The following ADGRD1 variants were observed in gnomAD, a reference collection of about 807,000 sequenced individuals.
ADGRD1 encodes the protein adhesion G protein-coupled receptor D1.
ADGRD1 carries 77 observed loss-of-function variants against 113.4 expected under a neutral mutation model. That is an observed-to-expected ratio of 0.68 (90% confidence interval 0.57 to 0.82). The LOEUF is 0.82. Ranked by LOEUF, ADGRD1 falls within the 40% of genes least tolerant of loss-of-function variation. The pLI, the probability that ADGRD1 is intolerant of heterozygous loss-of-function variation, is 0.00. For missense variants in ADGRD1, 1,036 were observed against 1,139.1 expected (o/e 0.91, Z 1.30); for synonymous variants, 474 against 475.0 (o/e 1.00, Z 0.03).
intron 20 of ADGRD1, among the ~76,000 whole-genome samples, chr12:131,122,483 T>G (rs1442997800): frequency 6.6e-6 from 1 of 152,122 alleles, no homozygotes; most frequent in African/African-American, 2.4e-5. Flanking sequence ...TGTCAGAGGC[T>G]TCAGGGAGAG....
chr12:131,000,988 T>C (rs1306190842), intron 9 of ADGRD1, among the ~76,000 whole-genome samples: 1 of 152,202 alleles, frequency 6.6e-6, no homozygotes, highest in Non-Finnish European at 1.5e-5. Flanking sequence ...GTGTCAGTAA[T>C]GTGTTACTGT....
chr12:131,003,239 G>GTATC lies in ADGRD1; in HGVS notation c.1082_1085dup (p.Ser363IlefsTer133), dbSNP rs745315105. 1.9e-6 allele frequency: 3 copies of GTATC among 1,614,012 alleles called. No individual in the cohort carries two copies. The African/African-American group carries it at 4.0e-5, about 22-fold the overall frequency. ...CACTATTGACACCGTCATGGGCCATGTATCCTCCAACCTGCACGGCAGCAC... is the reference window on the plus strand; with the variant it reads ...CACTATTGACACCGTCATGGGCCATGTATCTATCCTCCAACCTGCACGGCAGCAC... On this transcript the variant is annotated frameshift_variant, in exon 10 of 25. Transcript: ENST00000261654. LOFTEE classifies it high-confidence loss of function. This position sits in a 1 kb window ranked among gnomAD's most constrained non-coding sequence, Gnocchi z 4.8.
chr12:131,031,494 C>G (rs1012235760), intron 13 of ADGRD1, among the ~76,000 whole-genome samples: 3 of 152,112 alleles, frequency 2.0e-5, no homozygotes, highest in Non-Finnish European at 4.4e-5. Context: ...GTCGACGAGT[C>G]ACCCATTGCT....
chr12:131,084,691 G>T lies in ADGRD1; in HGVS notation c.1671+28G>T. On this transcript the variant is annotated intron_variant, in intron 15 of 24. Coordinates refer to ENST00000261654, the MANE Select transcript of ADGRD1 (RefSeq NM_198827.5). The surrounding 1 kb of genome is among the most constrained non-coding windows in gnomAD (Gnocchi z 4.5). ...AAGAGCCAGGCCTCAGGGGTCGCGG[G>T]ACCTGGGGGACGTACCATGAGGCTG... The T allele has an allele frequency of 6.2e-7, 1 of 1,611,900 alleles. No homozygotes were observed.
At chr12:131,093,578 T>A (rs1028334302) in intron 15 of ADGRD1, among the ~76,000 whole-genome samples, 2 of 152,190 alleles carry the variant, frequency 1.3e-5, no homozygotes, top group Admixed American at 1.3e-4. Context: ...AGAACCACTC[T>A]GAGCTGTATT....
chr12:131,085,698 T>C (rs1160014396), intron 15 of ADGRD1, among the ~76,000 whole-genome samples: 1 of 152,188 alleles, frequency 6.6e-6, no homozygotes, highest in Non-Finnish European at 1.5e-5. Context: ...ATGTGGCTGC[T>C]CCGAGCCAGG....
rs1870086836 is a variant in ADGRD1, at chr12:130,959,395, G to A, written c.103+4735G>A. On this transcript the variant is annotated intron_variant, in intron 2 of 24. Coordinates refer to ENST00000261654, the MANE Select transcript of ADGRD1 (RefSeq NM_198827.5). The stretch of plus-strand genomic sequence containing the variant: ...AAGACCAGCCTGGGCAACATAGTGA[G>A]ACCCCACCTTTATAAAAAATAAACA... 2.0e-5 allele frequency among the ~76,000 whole-genome samples: 3 copies of A among 152,106 alleles called. 1 individual carries two copies. The highest frequency in any genetic ancestry group is 6.5e-5 in the Admixed American group (1 of 15,278).
chr12:130,961,035 C>T (rs915473862), intron 2 of ADGRD1, among the ~76,000 whole-genome samples: 4 of 152,178 alleles, frequency 2.6e-5, no homozygotes, highest in African/African-American at 7.2e-5. Context: ...GAAGCCAGCC[C>T]GACCATCGGC....
At chr12:131,079,881 A>T (rs752000554) in intron 14 of ADGRD1, among the ~76,000 whole-genome samples, 1 of 151,922 alleles carries the variant, frequency 6.6e-6, no homozygotes, top group African/African-American at 2.4e-5. Context: ...CACTCTTACT[A>T]TAGGTTTATT....
intron 7 of ADGRD1, among the ~76,000 whole-genome samples, chr12:130,991,783 C>T (rs941093): frequency 0.44 from 67,351 of 151,936 alleles, 17,069 homozygotes; most frequent in East Asian, 0.76. Flanking sequence ...GAGGACTGCT[C>T]GAGTCCAGCC....
At chr12:131,136,224 G>A in intron 22 of ADGRD1, 61 bp downstream of exon 22, 14 of 1,594,968 alleles carry the variant, frequency 8.8e-6, no homozygotes, top group Non-Finnish European at 1.2e-5. Context: ...CAGGCTTGCA[G>A]GGAGCTAGGG....
At chr12:131,008,173 C>G (rs913474609) in intron 12 of ADGRD1, among the ~76,000 whole-genome samples, 32 of 152,246 alleles carry the variant, frequency 2.1e-4, no homozygotes, top group African/African-American at 6.3e-4. Flanking sequence ...ACATGACATA[C>G]AAGTGCCTGC....
At chr12:130,967,502 A>G (rs999618134) in intron 3 of ADGRD1, 4 of 155,170 alleles carry the variant, frequency 2.6e-5, no homozygotes, top group South Asian at 3.9e-4. Context: ...CCGTACAGCA[A>G]TCCTAGCACG....
intron 16 of ADGRD1, among the ~76,000 whole-genome samples, chr12:131,105,419 G>T (rs1034030961): frequency 6.6e-6 from 1 of 152,254 alleles, no homozygotes; most frequent in African/African-American, 2.4e-5. Context: ...GGGGACCTGG[G>T]AGAGGGTTTA....
At chr12:131,111,974 A>C (rs1317165641) in intron 18 of ADGRD1, among the ~76,000 whole-genome samples, 1 of 151,880 alleles carries the variant, frequency 6.6e-6, no homozygotes, top group South Asian at 2.1e-4. Flanking sequence ...ATTTTTCCCC[A>C]TGTGTGTGTC....
rs1874044920 is a variant in ADGRD1, at chr12:130,989,042, C to T, written c.745+1693C>T. 4 of 152,352 alleles carry T rather than the reference C, an allele frequency of 2.6e-5. 1 individual carries two copies. The highest frequency in any genetic ancestry group is 9.6e-5 in the African/African-American group (4 of 41,584). The allele number at this position is 152,352 out of a possible 1,614,324, so 9.4% of individuals were successfully genotyped here. A position where few individuals can be genotyped will look rare whatever the true frequency, so the allele number is the denominator to read the frequency against. On this transcript the variant is annotated intron_variant, in intron 6 of 24. Coordinates refer to ENST00000261654, the MANE Select transcript of ADGRD1 (RefSeq NM_198827.5). ...ACAGATGCTGTGCAGGCAAAACAGCCTGTGTCCACTACAGCCTTCGACATT... is the reference window on the plus strand; with the variant it reads ...ACAGATGCTGTGCAGGCAAAACAGCTTGTGTCCACTACAGCCTTCGACATT...
chr12:131,092,523 C>T (rs992706320), intron 15 of ADGRD1, among the ~76,000 whole-genome samples: 16 of 152,166 alleles, frequency 1.1e-4, no homozygotes, highest in African/African-American at 3.9e-4. Context: ...TCCCAGGGCC[C>T]GCCACGGTGC....
chr12:130,955,545 C>G (rs368549820), intron 2 of ADGRD1, among the ~76,000 whole-genome samples: 1 of 152,174 alleles, frequency 6.6e-6, no homozygotes, highest in Non-Finnish European at 1.5e-5. Flanking sequence ...CAGCCAGGGG[C>G]AGGGATGGGA....
In ADGRD1 at chr12:131,004,282, C is replaced by T; in HGVS notation, c.1241C>T (p.Ala414Val). Reference sequence around the variant, plus strand: ...AGCTTCATCCAGATCCCCCACGAGGCCTTCCACAGGCACGGTGAGTGTGGC... The same window carrying T: ...AGCTTCATCCAGATCCCCCACGAGGTCTTCCACAGGCACGGTGAGTGTGGC... ...GQSFIQIPHE[A>V]FHRHAWSTVV... Residue 414 changes from alanine (A) to valine (V), a missense_variant, in exon 11 of 25, where the codon GCC becomes GTC. Ala to Val is a moderately conservative substitution (Grantham distance 64). Transcript: ENST00000261654. The T allele has an allele frequency of 6.2e-7, 1 of 1,611,880 alleles. No individual in the cohort carries two copies. Among genetic ancestry groups the T allele is most frequent in the Non-Finnish European group, 8.5e-7 (1 of 1,178,234 alleles).
Sources: allele counts gnomAD v4.1 joint callset (sites outside exome capture counted in the v4.1 genomes callset), GRCh38; gene constraint gnomAD v4.1.1; non-coding constraint Gnocchi (gnomAD v3.1); transcripts MANE v1.5; gene names NCBI Gene and HGNC (gene_info 2026-07-23, HGNC 2026-07-21).